IQCM: variants seen among roughly 807,000 people sequenced by gnomAD.
The protein encoded by IQCM is IQ motif containing M, also known as IQ domain-containing protein M.
Under a neutral mutation model 57.6 loss-of-function variants are expected in IQCM, and 45 were observed. The ratio of observed to expected loss-of-function variants is 0.78; its 90% CI spans 0.62 to 1.00. The LOEUF is 1.00. IQCM is among the 50% of genes least tolerant of loss of function. The probability of loss-of-function intolerance (pLI) is 0.00; values close to 1 mark genes in which losing one functional copy is unlikely to be tolerated. For missense variants in IQCM, 468 were observed against 511.6 expected (o/e 0.91, Z 0.82); for synonymous variants, 148 against 158.9 (o/e 0.93, Z 0.51).
At chr4:149,671,550 GTTC>G (rs1761287200) in intron 7 of IQCM, among the ~76,000 whole-genome samples, 1 of 152,072 alleles carries the variant, frequency 6.6e-6, no homozygotes, top group South Asian at 2.1e-4. Flanking sequence ...TGCTTCTCCA[GTTC>G]TTCTAGTTCT....
intron 12 of IQCM, among the ~76,000 whole-genome samples, chr4:149,529,595 A>C (rs1324871223): frequency 2.0e-5 from 3 of 152,302 alleles, no homozygotes; most frequent in Non-Finnish European, 1.5e-5. Context: ...TATTACCAAA[A>C]GTCTACAACT....
Position 149,815,335 on chromosome 4 carries a change from A to G in IQCM, c.-73T>C, listed in dbSNP as rs1380758521. ...CCTTAAAGTTTTTCATTCCAAGGTC[A>G]TTTGTTCTTCTTCCTAGAAGGCACA... On this transcript the variant is annotated 5_prime_UTR_variant, in exon 2 of 14. It removes an upstream start codon present in the reference 5' UTR. Coordinates refer to ENST00000636793, the MANE Select transcript of IQCM (RefSeq NM_001363507.2). The G allele has an allele frequency of 1.3e-5, 2 of 151,956 alleles. No homozygotes were observed. Among genetic ancestry groups the G allele is most frequent in the African/African-American group, 4.8e-5 (2 of 41,432 alleles). The allele number at this position is 151,956 out of a possible 1,614,324, so 9.4% of individuals were successfully genotyped here. A position where few individuals can be genotyped will look rare whatever the true frequency, so the allele number is the denominator to read the frequency against.
intron 3 of IQCM, 122 bp from the exon 4 acceptor site, chr4:149,735,580 A>G: frequency 2.3e-6 from 1 of 426,154 alleles, no homozygotes. Context: ...TTTGCTTTTA[A>G]GAAGAAATAT....
rs554720545 is a variant in IQCM, at chr4:149,377,397, A to G, written c.1391-25331T>C. Among the ~76,000 whole-genome samples the G allele has an allele frequency of 6.0e-4, 91 of 152,260 alleles. 1 individual carries two copies. The highest frequency in any genetic ancestry group is 2.0e-3 in the African/African-American group (83 of 41,560). On this transcript the variant is annotated intron_variant, in intron 13 of 13. Transcript: ENST00000636793. ...TATCTTTCCAGTCTCATCTGGAATG[A>G]TGCTTGCAGGATTTCCAGGTGAGTC... is the stretch of plus-strand genomic sequence containing the variant.
At chr4:149,634,754 A>T (rs1005618091) in intron 7 of IQCM, among the ~76,000 whole-genome samples, 6 of 152,230 alleles carry the variant, frequency 3.9e-5, no homozygotes, top group Non-Finnish European at 8.8e-5. Flanking sequence ...CAATTACTAT[A>T]TATTAGTTCA....
intron 13 of IQCM, among the ~76,000 whole-genome samples, chr4:149,355,376 A>T (rs1409580197): frequency 1.3e-5 from 2 of 149,348 alleles, no homozygotes; most frequent in Non-Finnish European, 3.0e-5. Context: ...TATATCTCCT[A>T]ATGCTATCCC....
At chr4:149,716,258 T>C (rs530331611) in intron 5 of IQCM, among the ~76,000 whole-genome samples, 263 of 152,246 alleles carry the variant, frequency 1.7e-3, no homozygotes, top group African/African-American at 5.2e-3. Flanking sequence ...GCCCAAAGTT[T>C]GGAGGAGGCC....
At chr4:149,404,251 C>A (rs1219822287) in intron 13 of IQCM, among the ~76,000 whole-genome samples, 1 of 152,012 alleles carries the variant, frequency 6.6e-6, no homozygotes, top group Admixed American at 6.6e-5. Flanking sequence ...GCTGCCACGC[C>A]TTTATCAGAC....
At chr4:149,588,766 T>G (rs1267692033) in intron 8 of IQCM, among the ~76,000 whole-genome samples, 2 of 151,884 alleles carry the variant, frequency 1.3e-5, no homozygotes, top group East Asian at 1.9e-4. Context: ...GAAAATAAAT[T>G]TATGTTGTTT....
chr4:149,380,112 T>A (rs1486154390), intron 13 of IQCM, among the ~76,000 whole-genome samples: 1 of 152,136 alleles, frequency 6.6e-6, no homozygotes, highest in Non-Finnish European at 1.5e-5. Flanking sequence ...GTAAGTCCAT[T>A]AAACCTCTTT....
chr4:149,566,763 A>T (rs148844816), intron 9 of IQCM, among the ~76,000 whole-genome samples: 1 of 152,334 alleles, frequency 6.6e-6, no homozygotes, highest in East Asian at 1.9e-4. Flanking sequence ...TTTGATCAAT[A>T]CTATATCTCT....
intron 12 of IQCM, among the ~76,000 whole-genome samples, chr4:149,474,899 G>A (rs904895859): frequency 6.6e-6 from 1 of 152,046 alleles, no homozygotes; most frequent in Non-Finnish European, 1.5e-5. Flanking sequence ...AAACAGGGAA[G>A]TTAGTGTGCT....
intron 2 of IQCM, among the ~76,000 whole-genome samples, chr4:149,774,705 G>A (rs12508138): frequency 0.12 from 18,496 of 150,412 alleles, 1,243 homozygotes; most frequent in Middle Eastern, 0.17. Flanking sequence ...GTCTCTGTAC[G>A]AGGGAGCTTC....
intron 13 of IQCM, among the ~76,000 whole-genome samples, chr4:149,391,935 G>A (rs899129839): frequency 2.3e-4 from 35 of 151,928 alleles, no homozygotes; most frequent in Admixed American, 7.9e-4. Flanking sequence ...CACTTGAGAA[G>A]TATGTGTATT....
At chr4:149,805,092 C>T (rs1163622088) in intron 2 of IQCM, among the ~76,000 whole-genome samples, 1 of 151,972 alleles carries the variant, frequency 6.6e-6, no homozygotes, top group Non-Finnish European at 1.5e-5. Flanking sequence ...GCTGTCAAGC[C>T]ACCAGTAATG....
At chr4:149,541,611 C>G (rs1747858032) in intron 12 of IQCM, among the ~76,000 whole-genome samples, 1 of 151,912 alleles carries the variant, frequency 6.6e-6, no homozygotes, top group African/African-American at 2.4e-5. Context: ...AAATGAATAT[C>G]AAGTAATGGT....
At chr4:149,749,496 C>T (rs72728503) in intron 2 of IQCM, among the ~76,000 whole-genome samples, 10,211 of 151,996 alleles carry the variant, frequency 0.067, 511 homozygotes, top group Middle Eastern at 0.16. Flanking sequence ...TTACTAATGA[C>T]AATAGGAAAC....
intron 12 of IQCM, among the ~76,000 whole-genome samples, chr4:149,441,455 CA>C (rs1178129552): frequency 3.9e-5 from 6 of 152,108 alleles, no homozygotes; most frequent in East Asian, 3.9e-4. Context: ...CCCAGCTGGG[CA>C]AACTTGAGAA....
At chr4:149,545,767 A>G (rs1156389710) in intron 12 of IQCM, among the ~76,000 whole-genome samples, 1 of 152,182 alleles carries the variant, frequency 6.6e-6, no homozygotes, top group Non-Finnish European at 1.5e-5. Flanking sequence ...TAGCCAAGAT[A>G]AGAAAGCAAC....
Sources: allele counts gnomAD v4.1 joint callset (sites outside exome capture counted in the v4.1 genomes callset), GRCh38; gene constraint gnomAD v4.1.1; transcripts MANE v1.5; gene names NCBI Gene and HGNC (gene_info 2026-07-23, HGNC 2026-07-21).